HSH2D: variants seen among roughly 807,000 people sequenced by gnomAD.
HSH2D encodes hematopoietic SH2 domain-containing protein.
A neutral mutation model predicts 21.5 loss-of-function variants in HSH2D; 16 were observed. The observed-to-expected ratio is 0.74, with a 90% confidence interval of 0.50 to 1.13. HSH2D has a LOEUF of 1.13. HSH2D is among the 50% of genes most tolerant of loss of function. HSH2D has a pLI of 0.00. For synonymous variants in HSH2D, 172 were observed against 184.7 expected (o/e 0.93, Z 0.56); for missense variants, 418 against 441.4 (o/e 0.95, Z 0.47).
intron 5 of HSH2D, 195 bp downstream of exon 5, chr19:16,154,686 C>A: frequency 2.1e-6 from 1 of 470,290 alleles, no homozygotes; most frequent in Non-Finnish European, 3.9e-6. Context: ...TTCTGCCTGT[C>A]ACCTACCCAG....
intron 1 of HSH2D, among the ~76,000 whole-genome samples, chr19:16,137,691 C>T (rs2090973649): frequency 6.6e-6 from 1 of 152,128 alleles, no homozygotes. Context: ...AAGTGATCCT[C>T]CTGCCTTAGC....
At chr19:16,153,337 C>A (rs944307497) in intron 4 of HSH2D, 129 bp downstream of exon 4, 2 of 899,488 alleles carry the variant, frequency 2.2e-6, no homozygotes, top group Admixed American at 3.1e-5. Context: ...CCCCTCCGGC[C>A]CCACCCCAGT....
chr19:16,157,766 C>T lies in HSH2D; in HGVS notation c.1031C>T (p.Pro344Leu), dbSNP rs200425675. Residue 344 changes from proline (P) to leucine (L), a missense_variant, in exon 6 of 6, where the codon CCG becomes CTG. Pro to Leu is a moderately conservative substitution (Grantham distance 98). Transcript: ENST00000613986. The surrounding 1 kb of genome is among the most constrained non-coding windows in gnomAD (Gnocchi z 4.4). ...CAGCTCCCGGAGGAGTACCAACAAC[C>T]GCCACCCTTTGCCCCTGGGTACTGC... ...NDQLPEEYQQ[P>L]PPFAPGYC The T allele has an allele frequency of 4.7e-5, 75 of 1,608,526 alleles. No individual in the cohort carries two copies. In the Admixed American group the frequency reaches 6.9e-4, roughly 15 times the overall value.
intron 1 of HSH2D, 94 bp downstream of exon 1, chr19:16,143,868 G>C: frequency 3.5e-6 from 1 of 281,842 alleles, no homozygotes. Context: ...GCCTGGGGTG[G>C]CAGGAGGGAT....
rs374596781 is a variant in HSH2D, at chr19:16,156,727, T to C, written c.475-483T>C. Among the ~76,000 whole-genome samples the C allele has an allele frequency of 2.6e-3, 398 of 152,200 alleles. 2 individuals carry two copies. The highest frequency in any genetic ancestry group is 9.3e-3 in the African/African-American group (387 of 41,542). ...GCCAGGCCAGGTGCGGTGGCTCTCA[T>C]CTGTAATCCCAGCACTCTGGGAGGC... On this transcript the variant is annotated intron_variant, in intron 5 of 5. Transcript: ENST00000613986.
intron 1 of HSH2D, among the ~76,000 whole-genome samples, chr19:16,137,346 G>A (rs1016936950): frequency 1.3e-5 from 2 of 151,928 alleles, no homozygotes; most frequent in Non-Finnish European, 2.9e-5. Context: ...AGGGTCATCC[G>A]GCCGGGCGCG....
At chr19:16,152,696 G>C (rs1338408770) in intron 3 of HSH2D, 55 bp downstream of exon 3, 1 of 1,340,194 alleles carries the variant, frequency 7.5e-7, no homozygotes, top group Non-Finnish European at 1.0e-6. Flanking sequence ...GGGTTTCCTT[G>C]GAGGGGGCAA....
At chr19:16,136,898 C>T (rs1648064161) in intron 1 of HSH2D, among the ~76,000 whole-genome samples, 2 of 152,210 alleles carry the variant, frequency 1.3e-5, no homozygotes, top group African/African-American at 4.8e-5. Flanking sequence ...AACACTGCCT[C>T]CTCACCAGGC....
chr19:16,149,648 G>A (rs1334193100), intron 2 of HSH2D, among the ~76,000 whole-genome samples: 17 of 149,906 alleles, frequency 1.1e-4, no homozygotes, highest in South Asian at 8.4e-4. Flanking sequence ...GTGTAGTGGC[G>A]CGATCTCGGC....
chr19:16,156,631 C>CATAA (rs2091240543), intron 5 of HSH2D, among the ~76,000 whole-genome samples: 1 of 152,190 alleles, frequency 6.6e-6, no homozygotes, highest in Admixed American at 6.5e-5. Flanking sequence ...AGCAGAGCTA[C>CATAA]ATAATTGAGA....
intron 1 of HSH2D, among the ~76,000 whole-genome samples, chr19:16,135,328 C>T (rs2090954991): frequency 6.6e-6 from 1 of 151,942 alleles, no homozygotes; most frequent in African/African-American, 2.4e-5. Flanking sequence ...ACTCAGGAGG[C>T]TGAGGAGGGA....
At chr19:16,135,621 A>G (rs562138624) in intron 1 of HSH2D, among the ~76,000 whole-genome samples, 26 of 151,894 alleles carry the variant, frequency 1.7e-4, no homozygotes, top group Non-Finnish European at 3.1e-4. Context: ...CACACTCATC[A>G]CTGAGAAGGC....
At position 16,135,725 on chromosome 19, in the gene HSH2D, C is replaced by G. The variant is rs2090959236; in HGVS notation, c.-324+1490C>G. 2.0e-5 allele frequency among the ~76,000 whole-genome samples: 3 copies of G among 152,310 alleles called. No homozygotes were observed. In the South Asian group the frequency reaches 6.2e-4, roughly 32 times the overall value. Reference sequence around the variant, plus strand: ...TCACATCATGGTTATCCAGGGCTACCTCTGCAGAGGCCTCTCCCAGTCATG... The same window carrying G: ...TCACATCATGGTTATCCAGGGCTACGTCTGCAGAGGCCTCTCCCAGTCATG... On this transcript the variant is annotated intron_variant, in intron 1 of 7. Transcript: ENST00000616645.
At position 16,157,902 on chromosome 19, in the gene HSH2D, G is replaced by C. The variant is rs755245309; in HGVS notation, c.*108G>C. On this transcript the variant is annotated 3_prime_UTR_variant, in exon 6 of 6. Coordinates refer to ENST00000613986, the MANE Select transcript of HSH2D (RefSeq NM_001382417.1). The surrounding 1 kb of genome is among the most constrained non-coding windows in gnomAD (Gnocchi z 4.4). ...ACACCATGGCATCCGGGGGTCTTCG[G>C]GAACCCGGGAAATGGAATAAAGATG... 3.1e-4 allele frequency: 237 copies of C among 767,546 alleles called. 1 individual carries two copies. In the Middle Eastern group the frequency reaches 6.0e-3, roughly 19 times the overall value. 47.5% of individuals were successfully genotyped at this position (767,546 alleles called of 1,614,324 possible).
intron 1 of HSH2D, among the ~76,000 whole-genome samples, chr19:16,135,203 C>T (rs1348457705): frequency 1.3e-5 from 2 of 152,006 alleles, no homozygotes; most frequent in Non-Finnish European, 2.9e-5. Flanking sequence ...ACCTGGGAGG[C>T]AGAGGTTGCA....
intron 4 of HSH2D, among the ~76,000 whole-genome samples, chr19:16,154,098 C>T (rs573135672): frequency 2.7e-5 from 4 of 147,190 alleles, no homozygotes; most frequent in Non-Finnish European, 6.1e-5. Flanking sequence ...TGGGCCTGAC[C>T]TAGCGCCCAA....
intron 1 of HSH2D, among the ~76,000 whole-genome samples, chr19:16,134,717 C>T (rs569635148): frequency 6.6e-6 from 1 of 152,184 alleles, no homozygotes; most frequent in Non-Finnish European, 1.5e-5. Flanking sequence ...CCACGACCAC[C>T]TGGACCTCTG....
intron 1 of HSH2D, among the ~76,000 whole-genome samples, chr19:16,136,793 C>T (rs539935367): frequency 3.9e-5 from 6 of 152,276 alleles, no homozygotes; most frequent in South Asian, 2.1e-4. Flanking sequence ...AATTCACACC[C>T]GATGCAAATG....
Position 16,157,510 on chromosome 19 carries a change from A to G in HSH2D, c.775A>G (p.Thr259Ala). Residue 259 changes from threonine (T) to alanine (A), a missense_variant, in exon 6 of 6, where the codon ACC becomes GCC. Transcript: ENST00000613986. The surrounding 1 kb of genome is among the most constrained non-coding windows in gnomAD (Gnocchi z 4.4). ...KGSQDHSGDP[T>A]SGDRGYTDPC... The stretch of plus-strand genomic sequence containing the variant: ...CAGCCAAGATCACTCAGGGGATCCC[A>G]CCTCGGGGGACAGAGGCTACACGGA... 1 of 1,613,834 alleles carries G rather than the reference A, an allele frequency of 6.2e-7. No individual in the cohort carries two copies. The highest frequency in any genetic ancestry group is 8.5e-7 in the Non-Finnish European group (1 of 1,179,846).
Sources: gnomAD v4.1 joint callset for allele counts (sites outside exome capture counted in the v4.1 genomes callset) on GRCh38, gnomAD v4.1.1 for gene constraint, Gnocchi (gnomAD v3.1) non-coding constraint, MANE v1.5 for transcripts, NCBI Gene and HGNC (gene_info 2026-07-23, HGNC 2026-07-21) for gene names.